The following THADA variants were observed in gnomAD, a reference collection of about 807,000 sequenced individuals.
THADA encodes the protein THADA armadillo repeat containing, also known as tRNA (32-2'-O)-methyltransferase regulator THADA.
Under a neutral mutation model 219.8 loss-of-function variants are expected in THADA, and 213 were observed. That is an observed-to-expected ratio of 0.97 (90% CI 0.87 to 1.09). The LOEUF (loss-of-function observed/expected upper bound fraction) is 1.09. Among genes scored for constraint, THADA ranks in the 50% least tolerant of loss-of-function variants. The pLI, the probability that THADA is intolerant of heterozygous loss-of-function variation, is 0.00. For synonymous variants in THADA, 1,018 were observed against 828.9 expected (o/e 1.23, Z -3.92); for missense variants, 2,956 against 2,311.3 (o/e 1.28, Z -5.72).
intron 28 of THADA, among the ~76,000 whole-genome samples, chr2:43,418,795 A>G (rs1043744261): frequency 6.6e-6 from 1 of 152,194 alleles, no homozygotes; most frequent in Admixed American, 6.5e-5. Context: ...AGAGATAGAA[A>G]TAACGGCCAG....
intron 34 of THADA, among the ~76,000 whole-genome samples, chr2:43,288,352 A>C (rs566092258): frequency 3.9e-5 from 6 of 152,374 alleles, no homozygotes; most frequent in Non-Finnish European, 8.8e-5. Context: ...CAGGGGGCGG[A>C]GGCTGCAGTG....
At chr2:43,578,780 T>C (rs1700116658) in intron 8 of THADA, among the ~76,000 whole-genome samples, 173 bp from the exon 9 acceptor site, 1 of 152,288 alleles carries the variant, frequency 6.6e-6, no homozygotes. Context: ...CTCTTTTCTC[T>C]TGGGTAAAAT....
At chr2:43,341,134 T>C (rs1277715552) in intron 30 of THADA, among the ~76,000 whole-genome samples, 1 of 152,180 alleles carries the variant, frequency 6.6e-6, no homozygotes, top group East Asian at 1.9e-4. Flanking sequence ...CTTGTAAAAG[T>C]GTGCTGGGGA....
intron 9 of THADA, among the ~76,000 whole-genome samples, 199 bp downstream of exon 9, chr2:43,578,314 C>CA (rs113050137): frequency 7.1e-6 from 1 of 141,684 alleles, no homozygotes; most frequent in African/African-American, 2.6e-5. Context: ...AGCAAATTTT[C>CA]TTTTTTTTTT....
chr2:43,292,788 G>T (rs1036773076), intron 32 of THADA, 46 bp downstream of exon 32: 1 of 1,573,290 alleles, frequency 6.4e-7, no homozygotes, highest in Non-Finnish European at 8.6e-7. Context: ...GCTCACAAAA[G>T]AATGTGGGGA....
intron 35 of THADA, among the ~76,000 whole-genome samples, chr2:43,280,641 C>CA (rs1275108900): frequency 2.0e-5 from 3 of 150,780 alleles, no homozygotes; most frequent in South Asian, 2.1e-4. Flanking sequence ...CGCTCCCGAC[C>CA]AAAAAAACAA....
chr2:43,371,919 C>T (rs560891086), intron 29 of THADA: 1 of 152,214 alleles, frequency 6.6e-6, no homozygotes, highest in South Asian at 2.1e-4. Flanking sequence ...ATATCTACTC[C>T]CCAAGTCAGT....
intron 26 of THADA, among the ~76,000 whole-genome samples, chr2:43,478,257 A>G (rs904816521): frequency 2.0e-4 from 31 of 152,350 alleles, no homozygotes; most frequent in Admixed American, 8.5e-4. Flanking sequence ...TGAGATTTCC[A>G]AACTGTACAT....
At chr2:43,443,421 C>T (rs929077023) in intron 26 of THADA, among the ~76,000 whole-genome samples, 8 of 152,146 alleles carry the variant, frequency 5.3e-5, no homozygotes, top group African/African-American at 9.7e-5. Flanking sequence ...AAATAAATAA[C>T]GCTTGTCTCA....
chr2:43,387,317 G>A (rs1672808832), intron 29 of THADA, among the ~76,000 whole-genome samples: 1 of 152,182 alleles, frequency 6.6e-6, no homozygotes, highest in African/African-American at 2.4e-5. Flanking sequence ...GAGGCAGGTT[G>A]GAACAAGGAC....
intron 31 of THADA, among the ~76,000 whole-genome samples, chr2:43,310,279 C>T (rs984200788): frequency 2.5e-4 from 34 of 137,132 alleles, no homozygotes; most frequent in Non-Finnish European, 3.0e-4. Context: ...GCAAGGAACC[C>T]AGAATAGGCA....
chr2:43,489,227 A>C (rs892611070), intron 25 of THADA, among the ~76,000 whole-genome samples: 6 of 152,012 alleles, frequency 3.9e-5, no homozygotes, highest in African/African-American at 1.2e-4. Context: ...GTCGCCCAGG[A>C]TGGAGTGCAG....
chr2:43,519,696 G>A (rs1052486397), intron 22 of THADA, among the ~76,000 whole-genome samples: 3 of 152,204 alleles, frequency 2.0e-5, no homozygotes, highest in Non-Finnish European at 4.4e-5. Context: ...ACAGCATCTG[G>A]CACACAGTAG....
At chr2:43,562,805 C>A (rs984835974) in intron 15 of THADA, 1 of 152,184 alleles carries the variant, frequency 6.6e-6, no homozygotes, top group African/African-American at 2.4e-5. Context: ...CACTAATTGT[C>A]ATGTTTCTAG....
At chr2:43,374,206 T>C (rs949760426) in intron 29 of THADA, among the ~76,000 whole-genome samples, 1 of 152,242 alleles carries the variant, frequency 6.6e-6, no homozygotes, top group African/African-American at 2.4e-5. Context: ...GTAATATTCT[T>C]GGGGAAAGCC....
chr2:43,399,382 T>C (rs57696714), intron 28 of THADA, among the ~76,000 whole-genome samples: 12,908 of 152,280 alleles, frequency 0.085, 598 homozygotes, highest in Non-Finnish European at 0.1. Context: ...GTTGGCTCAG[T>C]AAGTAGAGGG....
At chr2:43,290,616 T>G (rs1674582012) in intron 34 of THADA, among the ~76,000 whole-genome samples, 1 of 152,174 alleles carries the variant, frequency 6.6e-6, no homozygotes, top group African/African-American at 2.4e-5. Context: ...CTTTCTCTCA[T>G]TAGACTATAG....
At chr2:43,571,296 G>A (rs1280440170) in intron 13 of THADA, among the ~76,000 whole-genome samples, 1 of 149,334 alleles carries the variant, frequency 6.7e-6, no homozygotes, top group Non-Finnish European at 1.5e-5. Context: ...CTGTTGCCCA[G>A]GCTGGAGTGC....
At chr2:43,308,917 A>T (rs1460584398) in intron 31 of THADA, among the ~76,000 whole-genome samples, 2 of 152,180 alleles carry the variant, frequency 1.3e-5, no homozygotes, top group Non-Finnish European at 2.9e-5. Flanking sequence ...GGAATAGGCA[A>T]GGATTTCTTC....
Sources: allele counts gnomAD v4.1 joint callset (sites outside exome capture counted in the v4.1 genomes callset), GRCh38; gene constraint gnomAD v4.1.1; transcripts MANE v1.5; gene names NCBI Gene and HGNC (gene_info 2026-07-23, HGNC 2026-07-21).